RBFOX1: variants seen among roughly 807,000 people sequenced by gnomAD.
The protein encoded by RBFOX1 is RNA binding fox-1 homolog 1, also known as RNA binding protein fox-1 homolog 1.
A neutral mutation model predicts 57.7 loss-of-function variants in RBFOX1; 8 were observed. That is an observed-to-expected ratio of 0.14 (90% CI 0.08 to 0.25). The LOEUF is 0.25. RBFOX1 is among the 10% of genes least tolerant of loss of function. The probability of loss-of-function intolerance (pLI) is 1.00; values close to 1 mark genes in which losing one functional copy is unlikely to be tolerated. For missense variants in RBFOX1, 611 were observed against 548.5 expected, an observed-to-expected ratio of 1.11 and a Z score of -1.14; for synonymous variants, 326 against 222.4, an observed-to-expected ratio of 1.47 and a Z score of -4.15.
intron 2 of RBFOX1, among the ~76,000 whole-genome samples, chr16:6,383,601 C>T (rs561643081): frequency 3.3e-5 from 5 of 152,120 alleles, no homozygotes; most frequent in African/African-American, 2.4e-5. Context: ...GGTGAAACCC[C>T]GTGTCTACTG....
chr16:5,695,742 A>T (rs1022214090), intron 3 of RBFOX1, among the ~76,000 whole-genome samples: 7 of 152,192 alleles, frequency 4.6e-5, no homozygotes, highest in African/African-American at 1.7e-4. Flanking sequence ...AGTGGACAGC[A>T]CAGGACTTAA....
At chr16:5,406,766 G>A (rs1296712142) in intron 1 of RBFOX1, among the ~76,000 whole-genome samples, 2 of 152,112 alleles carry the variant, frequency 1.3e-5, no homozygotes, top group East Asian at 1.9e-4. Flanking sequence ...CTGCAGGAGG[G>A]GCTGGGGATC....
chr16:6,769,248 C>T (rs185283637), intron 3 of RBFOX1, among the ~76,000 whole-genome samples: 39 of 152,278 alleles, frequency 2.6e-4, no homozygotes, highest in Admixed American at 1.2e-3. Context: ...TCTTTGCCTG[C>T]TGCCATCGAT....
At chr16:7,151,089 A>G (rs1015232966) in intron 4 of RBFOX1, among the ~76,000 whole-genome samples, 3 of 152,178 alleles carry the variant, frequency 2.0e-5, no homozygotes, top group Admixed American at 1.3e-4. Context: ...AGTGTATTCT[A>G]CTTTCAGGAA....
chr16:7,488,570 T>C (rs994725799), intron 4 of RBFOX1, among the ~76,000 whole-genome samples: 8 of 152,108 alleles, frequency 5.3e-5, no homozygotes, highest in African/African-American at 1.7e-4. Flanking sequence ...CCATCATATG[T>C]TTATCCATTC....
chr16:5,853,099 A>G (rs1242027869), intron 3 of RBFOX1, among the ~76,000 whole-genome samples: 3 of 152,120 alleles, frequency 2.0e-5, no homozygotes, highest in Admixed American at 6.5e-5. Flanking sequence ...TATTGGAGTC[A>G]TCTCTTGTGT....
At chr16:5,791,898 G>A (rs1428615823) in intron 3 of RBFOX1, among the ~76,000 whole-genome samples, 1 of 152,148 alleles carries the variant, frequency 6.6e-6, no homozygotes, top group African/African-American at 2.4e-5. Flanking sequence ...GGAGGTTTTG[G>A]GAAGAACCAG....
intron 2 of RBFOX1, among the ~76,000 whole-genome samples, chr16:6,553,451 C>G (rs2097029990): frequency 6.6e-6 from 1 of 152,144 alleles, no homozygotes; most frequent in South Asian, 2.1e-4. Context: ...CGATAATTGG[C>G]AAGGGAAACA....
intron 2 of RBFOX1, among the ~76,000 whole-genome samples, chr16:6,468,918 T>C (rs2095111553): frequency 6.6e-6 from 1 of 152,124 alleles, no homozygotes; most frequent in Non-Finnish European, 1.5e-5. Context: ...CCACTAGTTA[T>C]TTTTCTTCAT....
chr16:5,533,431 G>C (rs920975483), intron 2 of RBFOX1, among the ~76,000 whole-genome samples: 1 of 152,186 alleles, frequency 6.6e-6, no homozygotes, highest in Admixed American at 6.5e-5. Flanking sequence ...GGGGTGATGA[G>C]TTGCAGGCAC....
intron 3 of RBFOX1, among the ~76,000 whole-genome samples, chr16:5,700,081 C>A (rs1464237258): frequency 6.6e-6 from 1 of 152,180 alleles, no homozygotes; most frequent in East Asian, 1.9e-4. Flanking sequence ...ATCTGCCCGC[C>A]TTGGCCTCCC....
chr16:7,000,072 AG>A (rs1207486963), intron 3 of RBFOX1, among the ~76,000 whole-genome samples: 1 of 102,028 alleles, frequency 9.8e-6, no homozygotes, highest in African/African-American at 3.4e-5. Context: ...TCTGTTTCAA[AG>A]AAAAAAAAAA....
At chr16:6,130,400 C>G (rs536697684) in intron 1 of RBFOX1, among the ~76,000 whole-genome samples, 2 of 151,906 alleles carry the variant, frequency 1.3e-5, no homozygotes, top group South Asian at 4.2e-4. Flanking sequence ...TAGAATATAG[C>G]TTTAAAAATA....
At chr16:5,928,217 C>T (rs1328504762) in intron 4 of RBFOX1, among the ~76,000 whole-genome samples, 1 of 151,986 alleles carries the variant, frequency 6.6e-6, no homozygotes, top group African/African-American at 2.4e-5. Context: ...CCTCAGCCTC[C>T]TGAGTAGCTG....
intron 4 of RBFOX1, among the ~76,000 whole-genome samples, chr16:7,146,720 A>G (rs1404222756): frequency 6.6e-6 from 1 of 151,876 alleles, no homozygotes; most frequent in Non-Finnish European, 1.5e-5. Context: ...AGGCTGAGGC[A>G]GACAGATCAC....
chr16:7,506,782 A>G, intron 4 of RBFOX1, among the ~76,000 whole-genome samples: 1 of 138,122 alleles, frequency 7.2e-6, no homozygotes, highest in South Asian at 2.6e-4. Flanking sequence ...TATCTGCCAA[A>G]GGTACCATAA....
chr16:6,576,569 G>C (rs1163377090), intron 2 of RBFOX1, among the ~76,000 whole-genome samples: 1 of 152,156 alleles, frequency 6.6e-6, no homozygotes, highest in East Asian at 1.9e-4. Context: ...TCTTAGGTAT[G>C]TTTTTACTGA....
At chr16:5,491,188 C>A (rs2042815917) in intron 2 of RBFOX1, among the ~76,000 whole-genome samples, 1 of 152,102 alleles carries the variant, frequency 6.6e-6, no homozygotes, top group Non-Finnish European at 1.5e-5. Flanking sequence ...AAAAAGCAAT[C>A]AACGCAAGAG....
At chr16:7,645,705 C>A (rs572887302) in intron 11 of RBFOX1, among the ~76,000 whole-genome samples, 81 of 152,178 alleles carry the variant, frequency 5.3e-4, no homozygotes, top group Admixed American at 9.2e-4. Flanking sequence ...CTATTCAATG[C>A]ATTTCAAATG....
Sources: gnomAD v4.1 joint callset for allele counts (sites outside exome capture counted in the v4.1 genomes callset) on GRCh38, gnomAD v4.1.1 for gene constraint, MANE v1.5 for transcripts, NCBI Gene and HGNC (gene_info 2026-07-23, HGNC 2026-07-21) for gene names.